Variants in ANGPT1 observed in about 807,000 individuals in gnomAD.
ANGPT1 encodes the protein angiopoietin 1.
In ANGPT1, 17 loss-of-function variants were observed where a neutral mutation model predicts 62.2. The ratio of observed to expected loss-of-function variants is 0.27; its 90% CI spans 0.19 to 0.41. The LOEUF (loss-of-function observed/expected upper bound fraction) is 0.41. Among genes scored for constraint, ANGPT1 ranks in the 10% least tolerant of loss-of-function variants. ANGPT1 has a pLI of 1.00. For synonymous variants in ANGPT1, 199 were observed against 198.9 expected, an observed-to-expected ratio of 1.00 and a Z score of 0.00; for missense variants, 478 against 594.9, an observed-to-expected ratio of 0.80 and a Z score of 2.04.
intron 8 of ANGPT1, among the ~76,000 whole-genome samples, chr8:107,262,866 T>C (rs1024615579): frequency 6.6e-6 from 1 of 152,222 alleles, no homozygotes; most frequent in Non-Finnish European, 1.5e-5. Flanking sequence ...TTTATCTTAG[T>C]GTTTCCCAAA....
intron 1 of ANGPT1, among the ~76,000 whole-genome samples, chr8:107,474,401 C>T (rs1036240581): frequency 1.6e-4 from 25 of 152,240 alleles, no homozygotes; most frequent in Middle Eastern, 3.4e-3. Flanking sequence ...ATTCTAAAAA[C>T]GCTCAATAAA....
intron 5 of ANGPT1, among the ~76,000 whole-genome samples, chr8:107,297,856 G>GA (rs370782564): frequency 1.2e-4 from 18 of 148,048 alleles, no homozygotes; most frequent in East Asian, 2.0e-4. Context: ...TTTTTAGTCA[G>GA]AAAAAAAAAT....
At chr8:107,456,836 T>G (rs1811931961) in intron 1 of ANGPT1, among the ~76,000 whole-genome samples, 1 of 152,096 alleles carries the variant, frequency 6.6e-6, no homozygotes, top group Non-Finnish European at 1.5e-5. Context: ...CATCTTACTT[T>G]CCTAGGTACT....
chr8:107,286,999 C>T (rs1192798072), intron 6 of ANGPT1, among the ~76,000 whole-genome samples: 1 of 152,104 alleles, frequency 6.6e-6, no homozygotes, highest in Non-Finnish European at 1.5e-5. Context: ...TACAACAGCC[C>T]CTGGGAAGAA....
intron 1 of ANGPT1, among the ~76,000 whole-genome samples, chr8:107,391,421 C>G (rs62513194): frequency 0.051 from 7,780 of 152,270 alleles, 233 homozygotes; most frequent in South Asian, 0.12. Context: ...AATCCCAGCA[C>G]TTCTGGGGGC....
chr8:107,428,551 C>T (rs1282626578), intron 1 of ANGPT1, among the ~76,000 whole-genome samples: 1 of 152,170 alleles, frequency 6.6e-6, no homozygotes, highest in Non-Finnish European at 1.5e-5. Context: ...ATCCCACACA[C>T]TGTTTTTTGA....
intron 8 of ANGPT1, among the ~76,000 whole-genome samples, chr8:107,255,746 A>T (rs535243872): frequency 2.6e-5 from 4 of 152,204 alleles, no homozygotes; most frequent in South Asian, 2.1e-4. Flanking sequence ...TTCACAGCAC[A>T]GTTATAAGAA....
intron 1 of ANGPT1, among the ~76,000 whole-genome samples, chr8:107,451,779 A>T (rs1461544610): frequency 6.6e-6 from 1 of 151,870 alleles, no homozygotes; most frequent in East Asian, 1.9e-4. Flanking sequence ...TGTTTCACTG[A>T]CCTGAGTATC....
At chr8:107,305,698 AT>A (rs1814698605) in intron 4 of ANGPT1, among the ~76,000 whole-genome samples, 1 of 152,082 alleles carries the variant, frequency 6.6e-6, no homozygotes, top group African/African-American at 2.4e-5. Flanking sequence ...ATGGTAACAT[AT>A]CTGAAATAGA....
intron 4 of ANGPT1, among the ~76,000 whole-genome samples, chr8:107,305,608 T>A (rs1238836507): frequency 2.0e-5 from 3 of 152,026 alleles, no homozygotes; most frequent in Admixed American, 2.0e-4. Context: ...ACAAATTCTA[T>A]ACTTGGGAAA....
intron 8 of ANGPT1, among the ~76,000 whole-genome samples, chr8:107,253,982 AAG>A (rs1451068815): frequency 1.3e-5 from 2 of 152,146 alleles, no homozygotes; most frequent in African/African-American, 4.8e-5. Flanking sequence ...TAGTCACCTG[AAG>A]CTAAGTGGGT....
intron 3 of ANGPT1, among the ~76,000 whole-genome samples, chr8:107,324,086 G>A (rs919688342): frequency 2.0e-5 from 3 of 151,258 alleles, no homozygotes; most frequent in African/African-American, 7.3e-5. Context: ...GCCAGTGTCA[G>A]GTACTGTTTT....
At chr8:107,256,667 T>C (rs919560673) in intron 8 of ANGPT1, among the ~76,000 whole-genome samples, 6 of 152,184 alleles carry the variant, frequency 3.9e-5, no homozygotes, top group Non-Finnish European at 8.8e-5. Context: ...TGACTTTGTA[T>C]TTTGTTTATG....
intron 1 of ANGPT1, among the ~76,000 whole-genome samples, chr8:107,457,341 G>C (rs1157085283): frequency 6.6e-6 from 1 of 152,024 alleles, no homozygotes; most frequent in African/African-American, 2.4e-5. Flanking sequence ...GTTTAATAAT[G>C]ATTATAACAG....
intron 1 of ANGPT1, among the ~76,000 whole-genome samples, chr8:107,424,875 T>A (rs1810995431): frequency 6.6e-6 from 1 of 152,232 alleles, no homozygotes; most frequent in African/African-American, 2.4e-5. Context: ...TATTCTTTTT[T>A]TAAAAAAATA....
At chr8:107,340,290 C>T (rs1815666956) in intron 2 of ANGPT1, among the ~76,000 whole-genome samples, 1 of 151,920 alleles carries the variant, frequency 6.6e-6, no homozygotes, top group Non-Finnish European at 1.5e-5. Context: ...CCTCAAGGAA[C>T]AATTTCAAAG....
chr8:107,460,032 C>T (rs1029926635), intron 1 of ANGPT1, among the ~76,000 whole-genome samples: 2 of 152,120 alleles, frequency 1.3e-5, no homozygotes, highest in Admixed American at 1.3e-4. Flanking sequence ...AGCATCATCA[C>T]CATTTCACTA....
At chr8:107,367,823 G>A (rs1321609907) in intron 1 of ANGPT1, among the ~76,000 whole-genome samples, 2 of 152,182 alleles carry the variant, frequency 1.3e-5, no homozygotes, top group East Asian at 3.9e-4. Flanking sequence ...GATTGCAGCA[G>A]TTCAGTCACA....
chr8:107,310,547 G>T (rs549080570), intron 4 of ANGPT1, among the ~76,000 whole-genome samples: 1 of 152,266 alleles, frequency 6.6e-6, no homozygotes, highest in African/African-American at 2.4e-5. Context: ...TCTCATGGAA[G>T]CAGGTTGTAT....
Sources: gnomAD v4.1 joint callset for allele counts (sites outside exome capture counted in the v4.1 genomes callset) on GRCh38, gnomAD v4.1.1 for gene constraint, MANE v1.5 for transcripts, NCBI Gene and HGNC (gene_info 2026-07-23, HGNC 2026-07-21) for gene names.